MATR3: variants seen among roughly 807,000 people sequenced by gnomAD.
The protein encoded by MATR3 is matrin 3.
A neutral mutation model predicts 85.5 loss-of-function variants in MATR3; 4 were observed. That is an observed-to-expected ratio of 0.05 (90% CI 0.02 to 0.11). The LOEUF (loss-of-function observed/expected upper bound fraction) is 0.11. Ranked by LOEUF, MATR3 falls within the 10% of genes least tolerant of loss-of-function variation. The pLI, the probability that MATR3 is intolerant of heterozygous loss-of-function variation, is 1.00. For synonymous variants in MATR3, 336 were observed against 343.1 expected (o/e 0.98, Z 0.23); for missense variants, 685 against 1,016.1 (o/e 0.67, Z 4.43).
chr5:139,326,123 C>T (rs147225313), intron 13 of MATR3, 40 bp from the exon 14 acceptor site: 2 of 1,499,912 alleles, frequency 1.3e-6, no homozygotes, highest in African/African-American at 2.8e-5. Flanking sequence ...TAAATAAAAT[C>T]TTCAGTTTAA....
Position 139,322,460 on chromosome 5 carries a change from T to C in MATR3, c.1735-3T>C, listed in dbSNP as rs778361904. ...TAACTTCTGCAAAACTTTTGTCTTT[T>C]AGATTCCAAACAGAGGCATTGATTT... On this transcript the variant is annotated splice_polypyrimidine_tract_variant and splice_region_variant and intron_variant, in intron 10 of 14. Coordinates refer to ENST00000394805, the MANE Select transcript of MATR3 (RefSeq NM_018834.6). 1 of 1,594,482 alleles carries C rather than the reference T, an allele frequency of 6.3e-7. No homozygotes were observed. Among genetic ancestry groups the C allele is most frequent in the South Asian group, 1.1e-5 (1 of 90,242 alleles).
rs552172719 is a variant in MATR3 at position 139,311,750 on chromosome 5, C to CTTTTTTTTTTTTTTTTT, written c.913-2906_913-2890dup. The CTTTTTTTTTTTTTTTTT allele has an allele frequency of 2.1e-4, 14 of 65,238 alleles. 2 individuals are homozygous for CTTTTTTTTTTTTTTTTT. The highest frequency in any genetic ancestry group is 8.0e-4 in the East Asian group (1 of 1,250). The allele number at this position is 65,238 out of a possible 1,614,324, so 4.0% of individuals were successfully genotyped here. ...TTAATTGGTATTTGTTTAATTAATC[C>CTTTTTTTTTTTTTTTTT]TTTTTTTTTTTTTTTTTTTTTTTTT... On this transcript the variant is annotated intron_variant, in intron 2 of 14. Transcript: ENST00000394805.
At chr5:139,282,826 GTTTT>G (rs1561919963) in intron 3 of MATR3, 1 of 152,182 alleles carries the variant, frequency 6.6e-6, no homozygotes, top group Admixed American at 6.6e-5. Context: ...TGACAGTTTT[GTTTT>G]TTTGTTTGTT....
chr5:139,325,050 G>A (rs1377683326), intron 12 of MATR3, among the ~76,000 whole-genome samples: 2 of 152,086 alleles, frequency 1.3e-5, no homozygotes, highest in African/African-American at 2.4e-5. Context: ...AAAATTAGCC[G>A]GGCGTGGTGG....
intron 1 of MATR3, 193 bp downstream of exon 1, chr5:139,293,998 G>A: frequency 7.8e-7 from 1 of 1,283,102 alleles, no homozygotes; most frequent in Admixed American, 3.7e-5. Flanking sequence ...GAGCGCAGTG[G>A]CGGCGCAACC....
At chr5:139,314,871 A>G (rs1755163925) in intron 3 of MATR3, 135 bp downstream of exon 3, 4 of 743,700 alleles carry the variant, frequency 5.4e-6, no homozygotes, top group Admixed American at 2.2e-5. Context: ...GGACAATACT[A>G]TTTACAAGTA....
At chr5:139,295,217 C>A (rs1032862950) in intron 1 of MATR3, among the ~76,000 whole-genome samples, 2 of 152,176 alleles carry the variant, frequency 1.3e-5, no homozygotes, top group Non-Finnish European at 2.9e-5. Context: ...AGTCTATCGA[C>A]GTTTTTCACA....
chr5:139,284,248 A>G (rs1236875858), intron 3 of MATR3, among the ~76,000 whole-genome samples: 4 of 152,214 alleles, frequency 2.6e-5, no homozygotes, highest in Admixed American at 6.5e-5. Flanking sequence ...CAGGTTACCA[A>G]ATCATTTGCT....
intron 2 of MATR3, chr5:139,278,199 T>C (rs1753367025): frequency 3.5e-6 from 1 of 284,590 alleles, no homozygotes; most frequent in Non-Finnish European, 7.2e-6. Flanking sequence ...GCCACTGCAC[T>C]CAGTCTAGAC....
At chr5:139,326,384 CAGT>C in intron 14 of MATR3, 100 bp downstream of exon 14, 1 of 1,060,488 alleles carries the variant, frequency 9.4e-7, no homozygotes, top group Non-Finnish European at 1.4e-6. Context: ...TCTCTAGACT[CAGT>C]GCAGTGCTTT....
At chr5:139,315,870 C>G in intron 4 of MATR3, 132 bp downstream of exon 4, 1 of 850,230 alleles carries the variant, frequency 1.2e-6, no homozygotes, top group Non-Finnish European at 1.9e-6. Context: ...ATAAAATTCA[C>G]TTTGGTTAAC....
intron 10 of MATR3, 118 bp from the exon 11 acceptor site, chr5:139,322,345 A>G: frequency 1.0e-6 from 1 of 968,462 alleles, no homozygotes. Context: ...GTTCTCAAAT[A>G]AGGTTACGGG....
At chr5:139,280,510 A>G (rs1255591450) in intron 3 of MATR3, 1 of 152,228 alleles carries the variant, frequency 6.6e-6, no homozygotes, top group Non-Finnish European at 1.5e-5. Flanking sequence ...TAGTAAAAAT[A>G]GTCTGTTTTT....
chr5:139,306,199 C>G (rs1412706406), intron 1 of MATR3, among the ~76,000 whole-genome samples: 2 of 152,056 alleles, frequency 1.3e-5, no homozygotes, highest in Admixed American at 6.6e-5. Flanking sequence ...TTTGGAAATT[C>G]TTATGTGACA....
chr5:139,317,856 G>T lies in MATR3; in HGVS notation c.1308+135G>T, dbSNP rs1581248786. 5 of 790,236 alleles carry T rather than the reference G, an allele frequency of 6.3e-6. No individual in the cohort carries two copies. In the East Asian group the frequency reaches 1.4e-4, roughly 22 times the overall value. 49.0% of individuals were successfully genotyped at this position (790,236 alleles called of 1,614,324 possible). A position where few individuals can be genotyped will look rare whatever the true frequency, so the allele number is the denominator to read the frequency against. The stretch of plus-strand genomic sequence containing the variant: ...TTATCAAATGCAGAATGTAGTAGAG[G>T]AAAAGGCCAGTAGTTGATGAATATA... On this transcript the variant is annotated intron_variant, in intron 7 of 14. Coordinates refer to ENST00000394805, the MANE Select transcript of MATR3 (RefSeq NM_018834.6).
chr5:139,274,938 C>CT (rs1280196521), intron 1 of MATR3, among the ~76,000 whole-genome samples: 1 of 151,638 alleles, frequency 6.6e-6, no homozygotes, highest in East Asian at 2.0e-4. Context: ...AAAATGGTGA[C>CT]TGTGTAGGAA....
intron 1 of MATR3, chr5:139,274,470 C>G: frequency 5.3e-6 from 1 of 187,300 alleles, no homozygotes; most frequent in South Asian, 9.8e-5. Flanking sequence ...GAGTCAGCCC[C>G]TTTAACCCGA....
intron 3 of MATR3, chr5:139,279,241 TG>T (rs1191242722): frequency 3.2e-5 from 14 of 433,426 alleles, no homozygotes; most frequent in Admixed American, 9.8e-5. Flanking sequence ...GACTTTTTTT[TG>T]GGGGGGGACG....
At chr5:139,310,495 A>G (rs1201931386) in intron 2 of MATR3, 1 of 152,246 alleles carries the variant, frequency 6.6e-6, no homozygotes, top group African/African-American at 2.4e-5. Flanking sequence ...TGGACCCTCT[A>G]TAACCGCTAT....
Sources: allele counts gnomAD v4.1 joint callset (sites outside exome capture counted in the v4.1 genomes callset), GRCh38; gene constraint gnomAD v4.1.1; transcripts MANE v1.5; gene names NCBI Gene and HGNC (gene_info 2026-07-23, HGNC 2026-07-21).